Variants in DTNB observed in about 807,000 individuals in gnomAD.
DTNB encodes DTN-B.
DTNB carries 63 observed loss-of-function variants against 90.7 expected under a neutral mutation model. That is an observed-to-expected ratio of 0.69 (90% CI 0.57 to 0.86). The LOEUF is 0.86. DTNB is among the 40% of genes least tolerant of loss of function. The pLI, the probability that DTNB is intolerant of heterozygous loss-of-function variation, is 0.00. For missense variants in DTNB, 744 were observed against 807.1 expected (o/e 0.92, Z 0.95); for synonymous variants, 277 against 286.7 (o/e 0.97, Z 0.34).
intron 1 of DTNB, among the ~76,000 whole-genome samples, chr2:25,660,792 T>G (rs1437828563): frequency 6.6e-6 from 1 of 152,216 alleles, no homozygotes; most frequent in African/African-American, 2.4e-5. Context: ...TCGTGGACAG[T>G]GTTGCTACAA....
At chr2:25,573,792 A>G (rs1295765625) in intron 8 of DTNB, among the ~76,000 whole-genome samples, 1 of 152,172 alleles carries the variant, frequency 6.6e-6, no homozygotes, top group African/African-American at 2.4e-5. Flanking sequence ...CTGCTAAGAC[A>G]ATAACACACA....
intron 12 of DTNB, among the ~76,000 whole-genome samples, chr2:25,450,350 T>C (rs13416421): frequency 0.021 from 3,192 of 152,340 alleles, 132 homozygotes; most frequent in African/African-American, 0.074. Flanking sequence ...TGAAAGTCAT[T>C]TGACCTTACA....
At chr2:25,631,831 A>AT (rs1177349597) in intron 3 of DTNB, among the ~76,000 whole-genome samples, 7 of 152,202 alleles carry the variant, frequency 4.6e-5, no homozygotes, top group Admixed American at 2.0e-4. Context: ...TGAGCACTAT[A>AT]TAAAGTACAG....
chr2:25,456,048 C>T (rs563716834), intron 10 of DTNB, among the ~76,000 whole-genome samples: 111 of 152,314 alleles, frequency 7.3e-4, no homozygotes, highest in African/African-American at 2.6e-3. Flanking sequence ...ATTAGAACTG[C>T]GCCTAATTAT....
chr2:25,386,077 C>T (rs775355200), intron 18 of DTNB: 66 of 985,302 alleles, frequency 6.7e-5, no homozygotes, highest in Non-Finnish European at 7.3e-5. Flanking sequence ...GTGTACAGAG[C>T]GGGGCCGTGC....
At chr2:25,541,060 AAAAAG>A (rs2081145343) in intron 8 of DTNB, among the ~76,000 whole-genome samples, 2 of 152,130 alleles carry the variant, frequency 1.3e-5, no homozygotes, top group African/African-American at 4.8e-5. Flanking sequence ...AACAAAAAAA[AAAAAG>A]AAAAGCTAGA....
chr2:25,435,002 T>A (rs1399179295), intron 12 of DTNB, among the ~76,000 whole-genome samples: 1 of 152,152 alleles, frequency 6.6e-6, no homozygotes, highest in African/African-American at 2.4e-5. Flanking sequence ...AATCCACTTT[T>A]AAAAAGCATA....
rs6713186 is a variant in DTNB, at chr2:25,539,693, G to A, written c.877-8096C>T. Reference sequence around the variant, plus strand: ...TATTATGAGGCTTGTTTCTCACTCTGCTATGTTTTTGATGAACATCTTTAA... The same window carrying A: ...TATTATGAGGCTTGTTTCTCACTCTACTATGTTTTTGATGAACATCTTTAA... On this transcript the variant is annotated intron_variant, in intron 8 of 20. Transcript: ENST00000406818. Among the ~76,000 whole-genome samples, 653 of 150,158 alleles carry A rather than the reference G, an allele frequency of 4.3e-3. 4 individuals are homozygous for A. The highest frequency in any genetic ancestry group is 0.015 in the African/African-American group (612 of 40,736).
At chr2:25,539,251 G>A (rs987531486) in intron 8 of DTNB, among the ~76,000 whole-genome samples, 3 of 152,162 alleles carry the variant, frequency 2.0e-5, no homozygotes, top group Non-Finnish European at 4.4e-5. Context: ...TAAGAATTTT[G>A]TAAGAGTGGA....
chr2:25,564,684 G>A lies in DTNB; in HGVS notation c.876+12154C>T, dbSNP rs995646151. Among the ~76,000 whole-genome samples, 20 of 152,108 alleles carry A rather than the reference G, an allele frequency of 1.3e-4. No homozygotes were observed. In the South Asian group the frequency reaches 1.9e-3, roughly 14 times the overall value. On this transcript the variant is annotated intron_variant, in intron 8 of 20. Transcript: ENST00000406818. ...ATTATGGGCATGAGCCACCACACTC[G>A]GCCTATTTCTTTCAGCCATGTTTTC...
At chr2:25,568,501 T>C (rs1359309824) in intron 8 of DTNB, among the ~76,000 whole-genome samples, 2 of 152,114 alleles carry the variant, frequency 1.3e-5, no homozygotes, top group African/African-American at 2.4e-5. Context: ...CACAATTATA[T>C]ACCCAAAATA....
At chr2:25,535,452 C>CGA (rs1558927332) in intron 8 of DTNB, among the ~76,000 whole-genome samples, 2 of 141,446 alleles carry the variant, frequency 1.4e-5, no homozygotes, top group Non-Finnish European at 3.1e-5. Flanking sequence ...ACCTCCCATT[C>CGA]GGGGCAGCCA....
chr2:25,472,395 T>C (rs1299084727), intron 10 of DTNB, among the ~76,000 whole-genome samples: 6 of 152,050 alleles, frequency 3.9e-5, no homozygotes, highest in African/African-American at 9.7e-5. Context: ...GCCTGGGGCA[T>C]TGTGAGAGGT....
chr2:25,452,212 T>C (rs1420787999), intron 11 of DTNB, among the ~76,000 whole-genome samples: 7 of 152,190 alleles, frequency 4.6e-5, no homozygotes, highest in African/African-American at 1.7e-4. Flanking sequence ...ATTAGTTTAA[T>C]GCATTACTTT....
At chr2:25,544,082 AT>A (rs1181956196) in intron 8 of DTNB, among the ~76,000 whole-genome samples, 2 of 152,136 alleles carry the variant, frequency 1.3e-5, no homozygotes, top group Non-Finnish European at 2.9e-5. Flanking sequence ...GAGGCATTCT[AT>A]TTCTTAGAAA....
intron 4 of DTNB, among the ~76,000 whole-genome samples, chr2:25,623,750 A>G (rs1434507679): frequency 1.3e-5 from 2 of 152,222 alleles, no homozygotes; most frequent in Non-Finnish European, 2.9e-5. Context: ...AGCCTATAAT[A>G]AAAAATAACA....
chr2:25,660,931 C>T (rs1216537009), intron 1 of DTNB, among the ~76,000 whole-genome samples: 1 of 152,142 alleles, frequency 6.6e-6, no homozygotes, highest in Non-Finnish European at 1.5e-5. Flanking sequence ...ATCAGAGATC[C>T]TGTGAATTCA....
At chr2:25,568,032 C>T (rs1287626755) in intron 8 of DTNB, among the ~76,000 whole-genome samples, 3 of 152,048 alleles carry the variant, frequency 2.0e-5, no homozygotes, top group Non-Finnish European at 4.4e-5. Context: ...GTGGTACGCG[C>T]CTGTAGTCCC....
chr2:25,433,912 G>A lies in DTNB; in HGVS notation c.1341C>T (p.Asn447=). ...RQLIAELENK[N]REILQEIQRL... ...GGGCTCAGCCTCTGCGTTCTTACCT[G>A]TTTTTGTTTTCCAGTTCTGCAATAA... Residue 447 remains asparagine, a splice_region_variant and synonymous_variant, in exon 13 of 21, where the codon AAC becomes AAT. Transcript: ENST00000406818. The A allele has an allele frequency of 6.2e-7, 1 of 1,613,492 alleles. No individual in the cohort carries two copies. Among genetic ancestry groups the A allele is most frequent in the Middle Eastern group, 1.7e-4 (1 of 6,060 alleles).
Sources: gnomAD v4.1 joint callset for allele counts (sites outside exome capture counted in the v4.1 genomes callset) on GRCh38, gnomAD v4.1.1 for gene constraint, MANE v1.5 for transcripts, NCBI Gene and HGNC (gene_info 2026-07-23, HGNC 2026-07-21) for gene names.